Variants in ASRGL1 observed in about 807,000 individuals in gnomAD.
The protein encoded by ASRGL1 is asparaginase and isoaspartyl peptidase 1.
Under a neutral mutation model 22.4 loss-of-function variants are expected in ASRGL1, and 16 were observed. That is an observed-to-expected ratio of 0.71 (90% CI 0.48 to 1.08). The LOEUF (loss-of-function observed/expected upper bound fraction) is 1.08. Ranked by LOEUF, ASRGL1 falls within the 50% of genes least tolerant of loss-of-function variation. The pLI is 0.00. For missense variants in ASRGL1, 412 were observed against 410.1 expected, an observed-to-expected ratio of 1.00 and a Z score of -0.04; for synonymous variants, 165 against 159.3, an observed-to-expected ratio of 1.04 and a Z score of -0.27.
chr11:62,390,060 C>T (rs995881837), intron 5 of ASRGL1, among the ~76,000 whole-genome samples: 2 of 152,180 alleles, frequency 1.3e-5, no homozygotes, highest in Non-Finnish European at 2.9e-5. Flanking sequence ...GGCTTGGTAA[C>T]TCCTCTTCTC....
At chr11:62,391,712 A>G in intron 6 of ASRGL1, 80 bp downstream of exon 6, 1 of 1,466,502 alleles carries the variant, frequency 6.8e-7, no homozygotes, top group South Asian at 1.3e-5. Context: ...CGCATGGAGA[A>G]GTGTAGGAAA....
At chr11:62,379,206 C>T (rs545756154) in intron 4 of ASRGL1, among the ~76,000 whole-genome samples, 1 of 152,242 alleles carries the variant, frequency 6.6e-6, no homozygotes, top group Non-Finnish European at 1.5e-5. Flanking sequence ...GTGCCTACGC[C>T]GACAAGTCCT....
At chr11:62,350,872 A>G (rs538928771) in intron 2 of ASRGL1, among the ~76,000 whole-genome samples, 1 of 152,362 alleles carries the variant, frequency 6.6e-6, no homozygotes, top group East Asian at 1.9e-4. Flanking sequence ...TACATGTTAT[A>G]TAATTACTGA....
At chr11:62,357,207 C>A in intron 4 of ASRGL1, 63 bp downstream of exon 4, 1 of 1,418,562 alleles carries the variant, frequency 7.0e-7, no homozygotes. Flanking sequence ...TTGGCAAATA[C>A]CTGGTTATCT....
At chr11:62,362,591 AATATATATTATATAAAATATATATT>A (rs1348267312) in intron 4 of ASRGL1, among the ~76,000 whole-genome samples, 1 of 31,688 alleles carries the variant, frequency 3.2e-5, no homozygotes, top group African/African-American at 1.2e-4. Flanking sequence ...TAAAATATAT[AATATATATTATATAAAATATATATT>A]ATATATTATA....
chr11:62,399,463 C>T, the ASRGL1 span, among the ~76,000 whole-genome samples: 1 of 152,210 alleles, frequency 6.6e-6, no homozygotes, highest in Non-Finnish European at 1.5e-5. Flanking sequence ...GACAGGAAGC[C>T]TCCTTCGTGC....
intron 4 of ASRGL1, among the ~76,000 whole-genome samples, chr11:62,367,329 C>T (rs1249072012): frequency 7.0e-6 from 1 of 142,912 alleles, no homozygotes; most frequent in Non-Finnish European, 1.5e-5. Flanking sequence ...CAGAGTGAAA[C>T]TCTGTCTCAA....
chr11:62,372,873 G>T (rs1946810440), intron 4 of ASRGL1: 1 of 1,602,790 alleles, frequency 6.2e-7, no homozygotes, highest in African/African-American at 1.3e-5. Context: ...GTACCCAAAA[G>T]CAGTGCAGGA....
intron 2 of ASRGL1, among the ~76,000 whole-genome samples, chr11:62,343,377 C>CAACAA (rs1945919053): frequency 1.2e-5 from 1 of 86,352 alleles, no homozygotes; most frequent in Admixed American, 1.4e-4. Context: ...GACCCTGTCT[C>CAACAA]AAAAAAAAAA....
At chr11:62,395,755 G>A (rs1341062827), downstream of ASRGL1, among the ~76,000 whole-genome samples, 2 of 65,124 alleles carry the variant, frequency 3.1e-5, no homozygotes, top group African/African-American at 8.9e-5. Flanking sequence ...TTTTGTAGCT[G>A]TTTCTTTTTT....
chr11:62,358,097 G>A (rs1414271192), intron 4 of ASRGL1, among the ~76,000 whole-genome samples: 3 of 152,290 alleles, frequency 2.0e-5, no homozygotes, highest in Non-Finnish European at 2.9e-5. Context: ...GGCCGGGTGC[G>A]GTGGCTCACA....
intron 2 of ASRGL1, among the ~76,000 whole-genome samples, chr11:62,348,355 A>T (rs1444211459): frequency 1.3e-5 from 2 of 152,158 alleles, no homozygotes; most frequent in African/African-American, 4.8e-5. Flanking sequence ...AAAGCAGTTT[A>T]GGGAAAGGGG....
chr11:62,364,189 C>G (rs1488084913), intron 4 of ASRGL1, among the ~76,000 whole-genome samples: 1 of 150,966 alleles, frequency 6.6e-6, no homozygotes, highest in Non-Finnish European at 1.5e-5. Context: ...TCAGTACTCG[C>G]TGGAATGAAG....
Position 62,393,288 on chromosome 11 carries a change from G to A in ASRGL1, c.*1004G>A, listed in dbSNP as rs1267450366. The A allele has an allele frequency of 6.6e-6, 1 of 152,172 alleles. No individual in the cohort carries two copies. The highest frequency in any genetic ancestry group is 2.4e-5 in the African/African-American group (1 of 41,426). 9.4% of individuals were successfully genotyped at this position (152,172 alleles called of 1,614,324 possible). A position where few individuals can be genotyped will look rare whatever the true frequency, so the allele number is the denominator to read the frequency against. ...TTCCTCTTTATCTCTCATTACACTG[G>A]AAATGTTATTTCTGCTGTATCATCC... On this transcript the variant is annotated 3_prime_UTR_variant, in exon 7 of 7. Coordinates refer to ENST00000415229, the MANE Select transcript of ASRGL1 (RefSeq NM_001083926.2).
chr11:62,368,938 C>T (rs1946688649), intron 4 of ASRGL1, among the ~76,000 whole-genome samples: 1 of 152,204 alleles, frequency 6.6e-6, no homozygotes, highest in Non-Finnish European at 1.5e-5. Flanking sequence ...CGAGACATTC[C>T]ATTGCCCAGG....
intron 2 of ASRGL1, among the ~76,000 whole-genome samples, chr11:62,343,234 C>T (rs1945912748): frequency 6.6e-6 from 1 of 151,496 alleles, no homozygotes; most frequent in Non-Finnish European, 1.5e-5. Context: ...AAAAATTAGC[C>T]AAGTGCAGTG....
Position 62,360,861 on chromosome 11 carries a change from C to T in ASRGL1, c.491+3717C>T, listed in dbSNP as rs1470861030. 3.3e-5 allele frequency among the ~76,000 whole-genome samples: 5 copies of T among 151,894 alleles called. No homozygotes were observed. In the South Asian group the frequency reaches 6.2e-4, roughly 19 times the overall value. ...AGGCCGAATAAACAATTGATTTTAC[C>T]GGAAACAGAAAACAATATAAAATAC... On this transcript the variant is annotated intron_variant, in intron 4 of 6. Coordinates refer to ENST00000415229, the MANE Select transcript of ASRGL1 (RefSeq NM_001083926.2).
chr11:62,349,153 G>A (rs1459333012), intron 2 of ASRGL1, among the ~76,000 whole-genome samples: 1 of 152,072 alleles, frequency 6.6e-6, no homozygotes, highest in East Asian at 1.9e-4. Context: ...ATTTTTAGTA[G>A]AGACGGGGTT....
At chr11:62,359,306 CATG>C (rs1946377998) in intron 4 of ASRGL1, among the ~76,000 whole-genome samples, 2 of 152,206 alleles carry the variant, frequency 1.3e-5, no homozygotes, top group South Asian at 4.1e-4. Context: ...ATCAGCCAGG[CATG>C]GTGGTGGGCA....
Sources: allele counts gnomAD v4.1 joint callset (sites outside exome capture counted in the v4.1 genomes callset), GRCh38; gene constraint gnomAD v4.1.1; transcripts MANE v1.5; gene names NCBI Gene and HGNC (gene_info 2026-07-23, HGNC 2026-07-21).